Variants in KIF13A observed in about 807,000 individuals in gnomAD.
KIF13A encodes the protein kinesin-like protein KIF13A.
A neutral mutation model predicts 212.2 loss-of-function variants in KIF13A; 79 were observed. The ratio of observed to expected loss-of-function variants is 0.37; its 90% CI spans 0.31 to 0.45. KIF13A has a LOEUF of 0.45. Among genes scored for constraint, KIF13A ranks in the 20% least tolerant of loss-of-function variants. The pLI is 1.00. For missense variants in KIF13A, 1,901 were observed against 2,209.0 expected (o/e 0.86, Z 2.79); for synonymous variants, 789 against 808.6 (o/e 0.98, Z 0.41).
chr6:17,984,535 C>T lies in KIF13A; in HGVS notation c.146+2519G>A. ...GATCTTTTAGTCCTAGCTACACAGT[C>T]TTGGCTTTGGTTTTGTAAAATGGGG... On this transcript the variant is annotated intron_variant, in intron 2 of 38. Transcript: ENST00000259711. This position sits in a 1 kb window ranked among gnomAD's most constrained non-coding sequence, Gnocchi z 5.0. 2.0e-6 allele frequency: 2 copies of T among 984,826 alleles called. No individual in the cohort carries two copies. Among genetic ancestry groups the T allele is most frequent in the Non-Finnish European group, 2.4e-6 (2 of 829,790 alleles). 61.0% of individuals were successfully genotyped at this position (984,826 alleles called of 1,614,324 possible). A position where few individuals can be genotyped will look rare whatever the true frequency, so the allele number is the denominator to read the frequency against.
At chr6:17,796,328 T>A (rs1016809188) in intron 23 of KIF13A, among the ~76,000 whole-genome samples, 13 of 71,708 alleles carry the variant, frequency 1.8e-4, no homozygotes, top group Admixed American at 7.5e-4. Flanking sequence ...TTTATTTTTT[T>A]ATAAATAAAA....
At position 17,808,947 on chromosome 6, in the gene KIF13A, A is replaced by C. The variant is rs191261906; in HGVS notation, c.2001-17T>G. 1 of 1,561,612 alleles carries C rather than the reference A, an allele frequency of 6.4e-7. No individual in the cohort carries two copies. The highest frequency in any genetic ancestry group is 2.3e-5 in the East Asian group (1 of 43,248). On this transcript the variant is annotated splice_polypyrimidine_tract_variant and intron_variant, in intron 17 of 38. Transcript: ENST00000259711. ...AGTTCATCCCTGCAGTGTCATAGAA[A>C]AGGGAACGAGAAAATCTAAAGGAAA...
rs536137341 is a variant in KIF13A, at chr6:17,963,184, G to A, written c.146+23870C>T. Among the ~76,000 whole-genome samples the A allele has an allele frequency of 2.6e-5, 4 of 152,288 alleles. No individual in the cohort carries two copies. Among genetic ancestry groups the A allele is most frequent in the Non-Finnish European group, 4.4e-5 (3 of 68,016 alleles). ...TGTAATCCCAGCACTTTGGGAGGCC[G>A]AGGTGGGCGGATCACCTGAGGTGGG... On this transcript the variant is annotated intron_variant, in intron 2 of 38. Coordinates refer to ENST00000259711, the MANE Select transcript of KIF13A (RefSeq NM_022113.6). This position sits in a 1 kb window ranked among gnomAD's most constrained non-coding sequence, Gnocchi z 4.1.
chr6:17,950,877 T>C, intron 2 of KIF13A: 1 of 983,650 alleles, frequency 1.0e-6, no homozygotes, highest in African/African-American at 1.7e-5. Context: ...AATGATTAAA[T>C]GTGTGGGATA....
rs1272022813 is a variant in KIF13A, at chr6:17,850,316, C to T, written c.717+7G>A. 1 of 1,610,660 alleles carries T rather than the reference C, an allele frequency of 6.2e-7. No individual in the cohort carries two copies. Among genetic ancestry groups the T allele is most frequent in the South Asian group, 1.1e-5 (1 of 90,632 alleles). On this transcript the variant is annotated splice_region_variant and intron_variant, in intron 8 of 38. Coordinates refer to ENST00000259711, the MANE Select transcript of KIF13A (RefSeq NM_022113.6). The surrounding 1 kb of genome is among the most constrained non-coding windows in gnomAD (Gnocchi z 6.2). The stretch of plus-strand genomic sequence containing the variant: ...CCACTCCAAAAAGGTTCTGCCTAAT[C>T]CCTTACCCCAGACTGCAGGTCATAA...
Position 17,975,305 on chromosome 6 carries a change from A to G in KIF13A, c.146+11749T>C, listed in dbSNP as rs183818645. ...GAGGTGAAGGTTGCAATGAGCTGAGACTGTGTTCCGAATTAGTAGGTTCTT... is the reference window on the plus strand; with the variant it reads ...GAGGTGAAGGTTGCAATGAGCTGAGGCTGTGTTCCGAATTAGTAGGTTCTT... On this transcript the variant is annotated intron_variant, in intron 2 of 38. Transcript: ENST00000259711. 6.6e-5 allele frequency among the ~76,000 whole-genome samples: 10 copies of G among 151,740 alleles called. No individual in the cohort carries two copies. In the East Asian group the frequency reaches 1.9e-3, roughly 29 times the overall value.
At position 17,951,520 on chromosome 6, in the gene KIF13A, T is replaced by C. The variant is rs1777845110; in HGVS notation, c.146+35534A>G. 7.0e-6 allele frequency: 3 copies of C among 430,660 alleles called. No individual in the cohort carries two copies. In the South Asian group the frequency reaches 1.7e-4, roughly 25 times the overall value. The allele number at this position is 430,660 out of a possible 1,614,324, so 26.7% of individuals were successfully genotyped here. Reference sequence around the variant, plus strand: ...TAAAAGTGTCCAATTCAGTGATTTTTAGCATATTCACAGAGTTATGTGGCT... The same window carrying C: ...TAAAAGTGTCCAATTCAGTGATTTTCAGCATATTCACAGAGTTATGTGGCT... On this transcript the variant is annotated intron_variant, in intron 2 of 38. Transcript: ENST00000259711. This position sits in a 1 kb window ranked among gnomAD's most constrained non-coding sequence, Gnocchi z 4.9.
In KIF13A at chr6:17,829,255, A is replaced by G. The variant is rs902915007; in HGVS notation, c.1402-885T>C. Among the ~76,000 whole-genome samples, 59 of 152,190 alleles carry G rather than the reference A, an allele frequency of 3.9e-4. 1 individual carries two copies. Among genetic ancestry groups the G allele is most frequent in the Admixed American group, 3.8e-3 (58 of 15,274 alleles). The stretch of plus-strand genomic sequence containing the variant: ...AGACTGAGAACATTTTAAACTACAA[A>G]CATAAACATACAACCCTTAGCCCTC... On this transcript the variant is annotated intron_variant, in intron 13 of 38. Transcript: ENST00000259711. This position sits in a 1 kb window ranked among gnomAD's most constrained non-coding sequence, Gnocchi z 5.4.
Position 17,804,526 on chromosome 6 carries a change from G to A in KIF13A, c.2305-16C>T, listed in dbSNP as rs1452569417. Reference sequence around the variant, plus strand: ...GTCTCTTTGCCTGAGAAGTAGGAGGGGCCAGTGAGTGGACGAATAAGAAAC... The same window carrying A: ...GTCTCTTTGCCTGAGAAGTAGGAGGAGCCAGTGAGTGGACGAATAAGAAAC... On this transcript the variant is annotated splice_polypyrimidine_tract_variant and intron_variant, in intron 19 of 38. Coordinates refer to ENST00000259711, the MANE Select transcript of KIF13A (RefSeq NM_022113.6). The A allele has an allele frequency of 8.9e-6, 14 of 1,566,034 alleles. No homozygotes were observed. The highest frequency in any genetic ancestry group is 1.2e-5 in the Non-Finnish European group (14 of 1,153,660).
chr6:17,964,875 T>A (rs959051137), intron 2 of KIF13A, among the ~76,000 whole-genome samples: 2 of 152,128 alleles, frequency 1.3e-5, no homozygotes, highest in African/African-American at 4.8e-5. Flanking sequence ...CAGGCTGGAG[T>A]GTAGTGGTGT....
intron 2 of KIF13A, among the ~76,000 whole-genome samples, chr6:17,943,617 C>CT (rs1777137518): frequency 6.6e-6 from 1 of 152,080 alleles, no homozygotes; most frequent in Non-Finnish European, 1.5e-5. Context: ...CAAGAGGACT[C>CT]TGATGCTGCT....
chr6:17,779,000 T>C lies in KIF13A; in HGVS notation c.4039A>G (p.Thr1347Ala), dbSNP rs1347843766. 1 of 1,613,050 alleles carries C rather than the reference T, an allele frequency of 6.2e-7. No individual in the cohort carries two copies. The highest frequency in any genetic ancestry group is 1.7e-5 in the Admixed American group (1 of 59,868). Residue 1347 changes from threonine (T) to alanine (A), a missense_variant, in exon 33 of 39, where the codon ACT (threonine) becomes GCT (alanine). Thr to Ala is a moderately conservative substitution (Grantham distance 58). Transcript: ENST00000259711. Reference protein sequence around the residue: ...SDGETYIEKYTRGVLQVENIL... With the variant: ...SDGETYIEKYARGVLQVENIL... ...TTTTCCACCTGCAGCACGCCTCGAG[T>C]GTACTTCTCAATGTACGTCTCCCCA...
At chr6:17,979,738 A>G (rs1780887111) in intron 2 of KIF13A, among the ~76,000 whole-genome samples, 1 of 152,016 alleles carries the variant, frequency 6.6e-6, no homozygotes, top group Admixed American at 6.6e-5. Flanking sequence ...AGAAGATACC[A>G]CAACCAAGAA....
rs1046050761 is a variant in KIF13A at position 17,763,873 on chromosome 6, C to A, written c.*237G>T. 7.2e-7 allele frequency: 1 copy of A among 1,387,368 alleles called. No individual in the cohort carries two copies. The highest frequency in any genetic ancestry group is 1.4e-5 in the African/African-American group (1 of 68,966). The allele number at this position is 1,387,368 out of a possible 1,614,324, so 85.9% of individuals were successfully genotyped here. On this transcript the variant is annotated 3_prime_UTR_variant, in exon 39 of 39. Coordinates refer to ENST00000259711, the MANE Select transcript of KIF13A (RefSeq NM_022113.6). ...GAATATGAGATTGATCCTTATCCAT[C>A]TGAACACTTCATTCAACACCAACCC...
rs535025987 is a variant in KIF13A at position 17,763,814 on chromosome 6, T to C, written c.*296A>G. On this transcript the variant is annotated 3_prime_UTR_variant, in exon 39 of 39. Coordinates refer to ENST00000259711, the MANE Select transcript of KIF13A (RefSeq NM_022113.6). ...ATATGGTAGATGCTACCAGAACACT[T>C]TGGGAAAACTGGTAACTAAACATCC... 4.4e-5 allele frequency: 52 copies of C among 1,195,050 alleles called. No homozygotes were observed. In the South Asian group the frequency reaches 1.2e-3, roughly 28 times the overall value. 74.0% of individuals were successfully genotyped at this position (1,195,050 alleles called of 1,614,324 possible).
rs1766123154 is a variant in KIF13A at position 17,837,900 on chromosome 6, C to T, written c.831-317G>A. 6.6e-6 allele frequency among the ~76,000 whole-genome samples: 1 copy of T among 152,050 alleles called. No homozygotes were observed. The highest frequency in any genetic ancestry group is 1.5e-5 in the Non-Finnish European group (1 of 68,032). ...CCCGGGAGTTAGAGGTTGCAGTGAG[C>T]CGAGACTGTGCCACTGCACTGCAGC... On this transcript the variant is annotated intron_variant, in intron 9 of 38. Transcript: ENST00000259711. This position sits in a 1 kb window ranked among gnomAD's most constrained non-coding sequence, Gnocchi z 5.4.
Position 17,968,486 on chromosome 6 carries a change from G to C in KIF13A, c.146+18568C>G, listed in dbSNP as rs920889220. On this transcript the variant is annotated intron_variant, in intron 2 of 38. Coordinates refer to ENST00000259711, the MANE Select transcript of KIF13A (RefSeq NM_022113.6). The surrounding 1 kb of genome is among the most constrained non-coding windows in gnomAD (Gnocchi z 4.7). ...GTCTGGGACCACACACCACCTCTGG[G>C]TGTATAGCTCTGGCAGTACAGGAAA... 6.6e-6 allele frequency among the ~76,000 whole-genome samples: 1 copy of C among 152,132 alleles called. No individual in the cohort carries two copies. Among genetic ancestry groups the C allele is most frequent in the African/African-American group, 2.4e-5 (1 of 41,422 alleles).
In KIF13A at chr6:17,914,573, G is replaced by A. The variant is rs7752412; in HGVS notation, c.147-16393C>T. ...TATGAAATCACTATCCACCAATAACGGATCCTCAGCCCTTTTTTCAAATGT... is the reference window on the plus strand; with the variant it reads ...TATGAAATCACTATCCACCAATAACAGATCCTCAGCCCTTTTTTCAAATGT... On this transcript the variant is annotated intron_variant, in intron 2 of 38. Coordinates refer to ENST00000259711, the MANE Select transcript of KIF13A (RefSeq NM_022113.6). The surrounding 1 kb of genome is among the most constrained non-coding windows in gnomAD (Gnocchi z 5.9). Among the ~76,000 whole-genome samples, 4,260 of 152,098 alleles carry A rather than the reference G, an allele frequency of 0.028. 78 individuals carry two copies. Among genetic ancestry groups the A allele is most frequent in the Non-Finnish European group, 0.044 (3,009 of 67,988 alleles).
chr6:17,976,133 C>T (rs974452661), intron 2 of KIF13A, among the ~76,000 whole-genome samples: 2 of 152,260 alleles, frequency 1.3e-5, no homozygotes, highest in East Asian at 1.9e-4. Context: ...TGGCTTCACC[C>T]AGTGGATCCC....
Sources: allele counts gnomAD v4.1 joint callset (sites outside exome capture counted in the v4.1 genomes callset), GRCh38; gene constraint gnomAD v4.1.1; non-coding constraint Gnocchi (gnomAD v3.1); transcripts MANE v1.5; gene names NCBI Gene and HGNC (gene_info 2026-07-23, HGNC 2026-07-21).